LIN9: variants seen among roughly 807,000 people sequenced by gnomAD.
The protein encoded by LIN9 is lin-9 DREAM MuvB core complex component.
A neutral mutation model predicts 78.0 loss-of-function variants in LIN9; 18 were observed. The ratio of observed to expected loss-of-function variants is 0.23; its 90% CI spans 0.16 to 0.34. The LOEUF is 0.34. Among genes scored for constraint, LIN9 ranks in the 10% least tolerant of loss-of-function variants. The pLI is 1.00. For synonymous variants in LIN9, 192 were observed against 215.2 expected, an observed-to-expected ratio of 0.89 and a Z score of 0.94; for missense variants, 451 against 644.1, an observed-to-expected ratio of 0.70 and a Z score of 3.25.
intron 7 of LIN9, among the ~76,000 whole-genome samples, chr1:226,271,024 A>G (rs569892866): frequency 3.2e-4 from 48 of 152,258 alleles, no homozygotes; most frequent in African/African-American, 1.0e-3. Flanking sequence ...CTTTTAGGAT[A>G]GTTCAGATTC....
intron 6 of LIN9, among the ~76,000 whole-genome samples, chr1:226,281,410 A>G (rs914131142): frequency 7.1e-6 from 1 of 141,354 alleles, no homozygotes; most frequent in African/African-American, 2.5e-5. Flanking sequence ...TAGGAAAATT[A>G]TAGTTAATAA....
At chr1:226,244,513 C>A (rs932974845) in intron 11 of LIN9, among the ~76,000 whole-genome samples, 1 of 152,090 alleles carries the variant, frequency 6.6e-6, no homozygotes, top group Non-Finnish European at 1.5e-5. Flanking sequence ...GGCATTTGAA[C>A]CATTAGAAAT....
intron 8 of LIN9, 144 bp downstream of exon 8, chr1:226,267,813 A>T: frequency 1.3e-6 from 1 of 759,890 alleles, no homozygotes. Flanking sequence ...CCAGGGGTCT[A>T]GCAGATAGGG....
chr1:226,239,787 T>A (rs571048968), intron 11 of LIN9, among the ~76,000 whole-genome samples: 1 of 152,226 alleles, frequency 6.6e-6, no homozygotes, highest in Non-Finnish European at 1.5e-5. Flanking sequence ...TACCAACAAG[T>A]GTTAATGGAC....
chr1:226,265,513 A>T lies in LIN9; in HGVS notation c.1038+20T>A. The T allele has an allele frequency of 6.8e-7, 1 of 1,468,762 alleles. No individual in the cohort carries two copies. Among genetic ancestry groups the T allele is most frequent in the Non-Finnish European group, 9.5e-7 (1 of 1,054,346 alleles). 91.0% of individuals were successfully genotyped at this position (1,468,762 alleles called of 1,614,324 possible). A position where few individuals can be genotyped will look rare whatever the true frequency, so the allele number is the denominator to read the frequency against. Reference sequence around the variant, plus strand: ...TTGAGTTTTTAAACAAACAGCCAAGATATTCAGAACAATTCTTACCACTTG... The same window carrying T: ...TTGAGTTTTTAAACAAACAGCCAAGTTATTCAGAACAATTCTTACCACTTG... On this transcript the variant is annotated intron_variant, in intron 10 of 14. Coordinates refer to ENST00000681046, the MANE Select transcript of LIN9 (RefSeq NM_001366245.2). This position sits in a 1 kb window ranked among gnomAD's most constrained non-coding sequence, Gnocchi z 4.1.
intron 6 of LIN9, 94 bp downstream of exon 6, chr1:226,286,239 C>A: frequency 7.4e-7 from 1 of 1,353,238 alleles, no homozygotes; most frequent in Non-Finnish European, 1.0e-6. Context: ...AAGCAAATAC[C>A]CCATCTTAGC....
chr1:226,269,546 G>A (rs985929925), intron 7 of LIN9, among the ~76,000 whole-genome samples: 2 of 152,188 alleles, frequency 1.3e-5, no homozygotes, highest in African/African-American at 4.8e-5. Flanking sequence ...CTCTTTGCAC[G>A]AGGTTATTCA....
At chr1:226,277,998 TTTTTC>T in intron 6 of LIN9, 66 bp from the exon 7 acceptor site, 1 of 1,369,826 alleles carries the variant, frequency 7.3e-7, no homozygotes, top group Non-Finnish European at 1.0e-6. Context: ...AAATCTTTTT[TTTTTC>T]TTTTTTTGAG....
chr1:226,232,506 C>A lies in LIN9; in HGVS notation c.1624G>T (p.Asp542Tyr). Residue 542 changes from aspartate (D) to tyrosine (Y), a missense_variant, in exon 15 of 15, where the codon GAC becomes TAC. Physicochemically the swap from Asp to Tyr is radical, Grantham distance 160 (BLOSUM62 -3). Transcript: ENST00000681046. Reference protein sequence around the residue: ...HAFAANNTNRD With the variant: ...HAFAANNTNRY ...TGGAATAATGAAATCTTTACTCAGT[C>A]TCTGTTGGTGTTATTTGCTGCAAAG... 6.2e-7 allele frequency: 1 copy of A among 1,603,500 alleles called. No individual in the cohort carries two copies. Among genetic ancestry groups the A allele is most frequent in the South Asian group, 1.1e-5 (1 of 90,190 alleles).
intron 6 of LIN9, 23 bp from the exon 7 acceptor site, chr1:226,277,955 T>C: frequency 6.4e-7 from 1 of 1,565,490 alleles, no homozygotes; most frequent in Non-Finnish European, 8.7e-7. Flanking sequence ...ATAAAAAACA[T>C]ACAAACTGAT....
intron 11 of LIN9, among the ~76,000 whole-genome samples, chr1:226,248,133 T>A (rs904123510): frequency 2.0e-5 from 3 of 152,256 alleles, no homozygotes; most frequent in Non-Finnish European, 4.4e-5. Context: ...AAATAGTACA[T>A]TCAAATTCTT....
At position 226,253,606 on chromosome 1, in the gene LIN9, G is replaced by A. The variant is rs948723813; in HGVS notation, c.1039-2687C>T. ...AAGCCATCATGCCTGGCCAAAAAAAGGGTTATCTCTTAGAAATAAATAAAA... is the reference window on the plus strand; with the variant it reads ...AAGCCATCATGCCTGGCCAAAAAAAAGGTTATCTCTTAGAAATAAATAAAA... On this transcript the variant is annotated intron_variant, in intron 10 of 14. Coordinates refer to ENST00000681046, the MANE Select transcript of LIN9 (RefSeq NM_001366245.2). 2.6e-5 allele frequency among the ~76,000 whole-genome samples: 4 copies of A among 151,386 alleles called. No homozygotes were observed. In the East Asian group the frequency reaches 8.0e-4, roughly 30 times the overall value.
intron 11 of LIN9, among the ~76,000 whole-genome samples, chr1:226,244,958 T>C (rs938917000): frequency 2.0e-5 from 3 of 152,220 alleles, no homozygotes; most frequent in African/African-American, 7.2e-5. Flanking sequence ...GCAATGAACA[T>C]GTAGTCATTT....
At chr1:226,247,461 T>C (rs1023327504) in intron 11 of LIN9, among the ~76,000 whole-genome samples, 62 of 152,248 alleles carry the variant, frequency 4.1e-4, no homozygotes, top group African/African-American at 1.5e-3. Flanking sequence ...GTTTGCCAAC[T>C]TCTCCCAACC....
At chr1:226,287,845 A>G (rs776486514) in intron 4 of LIN9, 48 bp from the exon 5 acceptor site, 1 of 1,347,156 alleles carries the variant, frequency 7.4e-7, no homozygotes, top group South Asian at 1.4e-5. Flanking sequence ...TTAAGTAAAA[A>G]TGAACATTTA....
intron 11 of LIN9, among the ~76,000 whole-genome samples, chr1:226,243,219 A>C (rs1319506836): frequency 2.0e-5 from 3 of 152,228 alleles, no homozygotes; most frequent in Non-Finnish European, 2.9e-5. Context: ...AAATACAAAA[A>C]GATGCTTAAT....
chr1:226,243,321 G>C (rs1167547535), intron 11 of LIN9, among the ~76,000 whole-genome samples: 1 of 152,144 alleles, frequency 6.6e-6, no homozygotes, highest in Non-Finnish European at 1.5e-5. Flanking sequence ...TCTAACACTA[G>C]GATTGAAGAG....
intron 12 of LIN9, among the ~76,000 whole-genome samples, chr1:226,235,545 T>C (rs1657646766): frequency 6.6e-6 from 1 of 151,922 alleles, no homozygotes; most frequent in Non-Finnish European, 1.5e-5. Context: ...TACTTACCGG[T>C]TGAGAATCCC....
At chr1:226,239,590 A>C (rs1262228468) in intron 11 of LIN9, among the ~76,000 whole-genome samples, 6 of 152,204 alleles carry the variant, frequency 3.9e-5, no homozygotes, top group Admixed American at 3.9e-4. Flanking sequence ...TGTGATGTTA[A>C]GGAAGTTTCT....
Sources: allele counts gnomAD v4.1 joint callset (sites outside exome capture counted in the v4.1 genomes callset), GRCh38; gene constraint gnomAD v4.1.1; non-coding constraint Gnocchi (gnomAD v3.1); transcripts MANE v1.5; gene names NCBI Gene and HGNC (gene_info 2026-07-23, HGNC 2026-07-21).